The following TDRD9 variants were observed in gnomAD, a reference collection of about 807,000 sequenced individuals.
The protein encoded by TDRD9 is ATP-dependent RNA helicase TDRD9.
A neutral mutation model predicts 172.6 loss-of-function variants in TDRD9; 124 were observed. The ratio of observed to expected loss-of-function variants is 0.72; its 90% CI spans 0.62 to 0.83. TDRD9 has a LOEUF of 0.83. Ranked by LOEUF, TDRD9 falls within the 40% of genes least tolerant of loss-of-function variation. TDRD9 has a pLI of 0.00. For missense variants in TDRD9, 1,479 were observed against 1,714.1 expected, an observed-to-expected ratio of 0.86 and a Z score of 2.42; for synonymous variants, 619 against 617.1, an observed-to-expected ratio of 1.00 and a Z score of -0.05.
At chr14:103,955,316 T>C (rs186820108) in intron 1 of TDRD9, among the ~76,000 whole-genome samples, 1 of 152,168 alleles carries the variant, frequency 6.6e-6, no homozygotes, top group Non-Finnish European at 1.5e-5. Flanking sequence ...CAGTGAGCTA[T>C]GATCACAGCA....
At chr14:103,959,454 T>TTGTG (rs1566740472) in intron 2 of TDRD9, among the ~76,000 whole-genome samples, 2 of 63,002 alleles carry the variant, frequency 3.2e-5, no homozygotes, top group African/African-American at 6.2e-5. Flanking sequence ...GGTCAGGTTA[T>TTGTG]CGTGTGTGTG....
At chr14:103,964,295 AG>A (rs2032639268) in intron 3 of TDRD9, among the ~76,000 whole-genome samples, 3 of 152,238 alleles carry the variant, frequency 2.0e-5, no homozygotes, top group African/African-American at 7.2e-5. Flanking sequence ...GAAGAATTTA[AG>A]ATGACATTTT....
intron 19 of TDRD9, among the ~76,000 whole-genome samples, chr14:104,008,069 G>A (rs897511132): frequency 6.6e-6 from 1 of 152,176 alleles, no homozygotes; most frequent in Non-Finnish European, 1.5e-5. Flanking sequence ...GTGAACCACC[G>A]CGCCTGGCTT....
chr14:104,012,803 A>T (rs1443071581), intron 20 of TDRD9, among the ~76,000 whole-genome samples: 1 of 152,054 alleles, frequency 6.6e-6, no homozygotes, highest in Non-Finnish European at 1.5e-5. Context: ...GCATAACCAT[A>T]GCTCACTGCA....
intron 34 of TDRD9, among the ~76,000 whole-genome samples, chr14:104,044,813 G>C (rs970328248): frequency 1.3e-5 from 2 of 151,694 alleles, no homozygotes; most frequent in Non-Finnish European, 2.9e-5. Context: ...GAGTGGAGTT[G>C]GTAGGTTGTA....
At position 104,042,060 on chromosome 14, in the gene TDRD9, C is replaced by T. The variant is rs1219495244; in HGVS notation, c.3856-9C>T. ...CCTTATGAGTGTTTATGTTGCTGTT[C>T]ATTTACAGGTTAATATTCTCAGGGC... On this transcript the variant is annotated splice_polypyrimidine_tract_variant and intron_variant, in intron 33 of 35. Transcript: ENST00000409874. 1 of 1,541,612 alleles carries T rather than the reference C, an allele frequency of 6.5e-7. No homozygotes were observed. The highest frequency in any genetic ancestry group is 9.0e-7 in the Non-Finnish European group (1 of 1,114,474).
chr14:104,048,384 A>G lies in TDRD9; in HGVS notation c.3975-1224A>G, dbSNP rs567716784. Among the ~76,000 whole-genome samples the G allele has an allele frequency of 2.0e-5, 3 of 152,264 alleles. No individual in the cohort carries two copies. In the South Asian group the frequency reaches 6.2e-4, roughly 32 times the overall value. Reference sequence around the variant, plus strand: ...CTCCCAAGTAGGTAGGGCTACAGGCATATGTGACCACGCCCAGCTCGTTTT... The same window carrying G: ...CTCCCAAGTAGGTAGGGCTACAGGCGTATGTGACCACGCCCAGCTCGTTTT... On this transcript the variant is annotated intron_variant, in intron 34 of 35. Coordinates refer to ENST00000409874, the MANE Select transcript of TDRD9 (RefSeq NM_153046.3).
intron 13 of TDRD9, among the ~76,000 whole-genome samples, chr14:104,002,604 A>G (rs1011818288): frequency 2.0e-5 from 3 of 152,208 alleles, no homozygotes; most frequent in African/African-American, 4.8e-5. Flanking sequence ...GGTGATTGGC[A>G]TAAGAGTGGG....
At chr14:104,040,008 ATTC>A (rs1358220310) in intron 32 of TDRD9, among the ~76,000 whole-genome samples, 185 bp from the exon 33 acceptor site, 3 of 152,196 alleles carry the variant, frequency 2.0e-5, no homozygotes, top group Non-Finnish European at 4.4e-5. Flanking sequence ...TGAATTTACT[ATTC>A]TTATAACTAT....
chr14:104,008,239 C>G (rs986264390), intron 19 of TDRD9, among the ~76,000 whole-genome samples, 174 bp from the exon 20 acceptor site: 12 of 152,302 alleles, frequency 7.9e-5, no homozygotes, highest in African/African-American at 2.4e-4. Flanking sequence ...ATTACGCTCT[C>G]TGGCTTCAAT....
intron 35 of TDRD9, among the ~76,000 whole-genome samples, chr14:104,050,128 T>C (rs1349943151): frequency 6.6e-6 from 1 of 152,188 alleles, no homozygotes; most frequent in Non-Finnish European, 1.5e-5. Flanking sequence ...CTCACAGCTC[T>C]GGAGGCTGGA....
At chr14:104,031,506 G>A (rs7152856) in intron 29 of TDRD9, among the ~76,000 whole-genome samples, 71,376 of 136,858 alleles carry the variant, frequency 0.52, 19,580 homozygotes, top group South Asian at 0.63. Context: ...CCCTCCTGAC[G>A]TGTGCTTTTT....
At chr14:104,027,185 G>T (rs984256963) in intron 28 of TDRD9, among the ~76,000 whole-genome samples, 1 of 151,986 alleles carries the variant, frequency 6.6e-6, no homozygotes, top group Non-Finnish European at 1.5e-5. Flanking sequence ...CTCCTATTTA[G>T]CTTATTTTTA....
Position 104,026,095 on chromosome 14 carries a change from T to C in TDRD9, c.2980T>C (p.Leu994=). 1 of 1,611,454 alleles carries C rather than the reference T, an allele frequency of 6.2e-7. No homozygotes were observed. Among genetic ancestry groups the C allele is most frequent in the Non-Finnish European group, 8.5e-7 (1 of 1,177,592 alleles). ...GNKSHVDLHL[L]MEIPCQFLEL... ...TAAGTCTCATGTAGATCTACATCTT[T>C]TGATGGAGATTCCCTGTCAATTTCT... The change falls in exon 27 of 36, where the codon TTG becomes CTG. Residue 994 remains leucine, a synonymous_variant. Transcript: ENST00000409874.
At chr14:104,051,914 A>G (rs374626418) in intron 35 of TDRD9, 67 bp from the exon 36 acceptor site, 1 of 937,176 alleles carries the variant, frequency 1.1e-6, no homozygotes, top group Admixed American at 2.1e-5. Flanking sequence ...ATGTTAATGC[A>G]TGTGTATTTT....
intron 1 of TDRD9, among the ~76,000 whole-genome samples, chr14:103,946,633 T>C (rs1017900366): frequency 6.6e-6 from 1 of 152,240 alleles, no homozygotes; most frequent in Non-Finnish European, 1.5e-5. Context: ...GATGATATAA[T>C]TTTATATGTA....
chr14:103,944,438 C>A (rs2031449585), intron 1 of TDRD9, among the ~76,000 whole-genome samples: 1 of 152,086 alleles, frequency 6.6e-6, no homozygotes, highest in African/African-American at 2.4e-5. Flanking sequence ...TTTCCTTCAA[C>A]CTGAGGGTCA....
intron 2 of TDRD9, among the ~76,000 whole-genome samples, chr14:103,956,148 AT>A (rs2032228225): frequency 9.0e-6 from 1 of 111,176 alleles, no homozygotes. Context: ...ATATATATAT[AT>A]AATTATTAGG....
rs972556696 is a variant in TDRD9 at position 103,961,638 on chromosome 14, T to C, written c.323-1441T>C. 1.7e-4 allele frequency among the ~76,000 whole-genome samples: 26 copies of C among 148,830 alleles called. 1 individual carries two copies. The South Asian group carries it at 5.3e-3, about 31-fold the overall frequency. ...CAGGACAGCTTTCCTGAGTTAGGGG[T>C]CACTAATATTTTAGGAAGAACATAC... On this transcript the variant is annotated intron_variant, in intron 2 of 35. Transcript: ENST00000409874.
Sources: allele counts gnomAD v4.1 joint callset (sites outside exome capture counted in the v4.1 genomes callset), GRCh38; gene constraint gnomAD v4.1.1; transcripts MANE v1.5; gene names NCBI Gene and HGNC (gene_info 2026-07-23, HGNC 2026-07-21).